CCDC141: variants seen among roughly 807,000 people sequenced by gnomAD.
CCDC141 encodes the protein coiled-coil domain containing 141.
Under a neutral mutation model 181.0 loss-of-function variants are expected in CCDC141, and 168 were observed. The ratio of observed to expected loss-of-function variants is 0.93; its 90% CI spans 0.82 to 1.05. CCDC141 has a LOEUF of 1.05. CCDC141 is among the 50% of genes least tolerant of loss of function. CCDC141 has a pLI of 0.00. For synonymous variants in CCDC141, 666 were observed against 642.3 expected, an observed-to-expected ratio of 1.04 and a Z score of -0.56; for missense variants, 1,902 against 1,788.5, an observed-to-expected ratio of 1.06 and a Z score of -1.14.
At chr2:178,820,989 AATACTCACTGGAC>A in the CCDC141 span, among the ~76,000 whole-genome samples, 1 of 152,158 alleles carries the variant, frequency 6.6e-6, no homozygotes, top group Admixed American at 6.6e-5. Flanking sequence ...GCATTTTTAT[AATACTCACTGGAC>A]ACAAAACAAA....
chr2:178,991,964 C>G (rs1189775634), intron 2 of CCDC141, among the ~76,000 whole-genome samples: 1 of 151,914 alleles, frequency 6.6e-6, no homozygotes, highest in African/African-American at 2.4e-5. Flanking sequence ...AAAATTGTCC[C>G]AAGAAAATCT....
In CCDC141 at chr2:178,837,611, C is replaced by T; in HGVS notation, c.3608G>A (p.Gly1203Glu). 1 of 1,613,988 alleles carries T rather than the reference C, an allele frequency of 6.2e-7. No homozygotes were observed. Among genetic ancestry groups the T allele is most frequent in the Non-Finnish European group, 8.5e-7 (1 of 1,179,964 alleles). ...AGGTGAGACACACTCATATTCTTCC[C>T]CTGAGAGCATGTCTTCAGGCAGGAG... ...DLLLPEDMLS[G>E]EEYECVSPDD... Residue 1203 changes from glycine (G) to glutamate (E), a missense_variant, in exon 23 of 24, where the codon GGG becomes GAG. Physicochemically the swap from Gly to Glu is moderately conservative, Grantham distance 98. Transcript: ENST00000443758.
In CCDC141 at chr2:178,896,911, G is replaced by A. The variant is rs1033391136; in HGVS notation, c.1266-8243C>T. 3.3e-5 allele frequency among the ~76,000 whole-genome samples: 5 copies of A among 152,160 alleles called. No individual in the cohort carries two copies. The South Asian group carries it at 1.0e-3, about 32-fold the overall frequency. On this transcript the variant is annotated intron_variant, in intron 8 of 23. Transcript: ENST00000443758. ...GCCATTATTGCCAATGAGTCTTTGA[G>A]CATAGTGTACCTCCCCCCTCACTTT... is the stretch of plus-strand genomic sequence containing the variant.
At chr2:179,043,420 G>A (rs968939093) in intron 2 of CCDC141, among the ~76,000 whole-genome samples, 1 of 152,188 alleles carries the variant, frequency 6.6e-6, no homozygotes, top group African/African-American at 2.4e-5. Flanking sequence ...TCCAGGCCTT[G>A]ATGAACATTG....
chr2:178,932,935 T>C (rs1038632364), intron 6 of CCDC141, among the ~76,000 whole-genome samples: 10 of 152,164 alleles, frequency 6.6e-5, no homozygotes, highest in Admixed American at 6.5e-4. Context: ...AACTTTAAAC[T>C]GAGCTCTTTC....
At chr2:178,933,733 T>C (rs1015426617) in intron 6 of CCDC141, among the ~76,000 whole-genome samples, 1 of 152,188 alleles carries the variant, frequency 6.6e-6, no homozygotes, top group Non-Finnish European at 1.5e-5. Flanking sequence ...TGGATGATAT[T>C]TCATTGCCCA....
intron 6 of CCDC141, among the ~76,000 whole-genome samples, chr2:178,940,688 T>C (rs1689473521): frequency 6.6e-6 from 1 of 152,214 alleles, no homozygotes; most frequent in Non-Finnish European, 1.5e-5. Context: ...AGGATGCTTC[T>C]TCTTCACAAC....
intron 2 of CCDC141, among the ~76,000 whole-genome samples, chr2:179,041,491 G>GTTTTTTTTTTTTTT (rs35229059): frequency 1.7e-5 from 1 of 58,866 alleles, no homozygotes; most frequent in Non-Finnish European, 2.9e-5. Flanking sequence ...TTGGTTGTGG[G>GTTTTTTTTTTTTTT]TTTTTTTTTT....
chr2:178,974,328 T>C (rs1217943995), intron 4 of CCDC141, among the ~76,000 whole-genome samples: 1 of 152,178 alleles, frequency 6.6e-6, no homozygotes, highest in Non-Finnish European at 1.5e-5. Context: ...GCAGTAAAAT[T>C]AGAAGACATA....
At chr2:178,843,494 A>G (rs1350047523) in intron 22 of CCDC141, among the ~76,000 whole-genome samples, 1 of 152,216 alleles carries the variant, frequency 6.6e-6, no homozygotes, top group Admixed American at 6.5e-5. Flanking sequence ...ATAAAACACC[A>G]TCACTAATCT....
intron 2 of CCDC141, among the ~76,000 whole-genome samples, chr2:179,043,643 T>C (rs551304943): frequency 6.6e-6 from 1 of 152,184 alleles, no homozygotes; most frequent in East Asian, 1.9e-4. Context: ...TGTTAAAAAC[T>C]CGGAATAAAC....
intron 14 of CCDC141, among the ~76,000 whole-genome samples, chr2:178,870,333 T>C (rs1407056884): frequency 1.4e-5 from 2 of 147,710 alleles, no homozygotes; most frequent in African/African-American, 2.5e-5. Context: ...GTAATGGAAA[T>C]GATTTAGACT....
chr2:178,881,131 A>C (rs1287609024), intron 11 of CCDC141, among the ~76,000 whole-genome samples: 1 of 152,192 alleles, frequency 6.6e-6, no homozygotes, highest in Non-Finnish European at 1.5e-5. Flanking sequence ...CAAAAAAGGA[A>C]AGTGAATTAG....
chr2:178,836,754 T>G, intron 23 of CCDC141, 140 bp downstream of exon 23: 30 of 873,930 alleles, frequency 3.4e-5, no homozygotes, highest in Non-Finnish European at 5.1e-5. Flanking sequence ...GGGTCTGATG[T>G]GAGATTGAAT....
At chr2:178,985,711 A>G (rs1345616722) in intron 2 of CCDC141, among the ~76,000 whole-genome samples, 3 of 152,212 alleles carry the variant, frequency 2.0e-5, no homozygotes, top group African/African-American at 7.2e-5. Flanking sequence ...AAACTAGAAA[A>G]TCTAGAAGAA....
intron 2 of CCDC141, among the ~76,000 whole-genome samples, chr2:179,037,011 C>A (rs746417765): frequency 1.3e-4 from 20 of 152,242 alleles, no homozygotes; most frequent in Non-Finnish European, 2.1e-4. Context: ...TGTAACCTAT[C>A]CCATAGAACC....
rs191659597 is a variant in CCDC141, at chr2:178,952,706, A to T, written c.781-8055T>A. 6.6e-5 allele frequency among the ~76,000 whole-genome samples: 10 copies of T among 150,906 alleles called. No individual in the cohort carries two copies. The East Asian group carries it at 1.9e-3, about 29-fold the overall frequency. On this transcript the variant is annotated intron_variant, in intron 5 of 23. Transcript: ENST00000443758. ...CTAGAGAGAATTCTAGAGATAGCCTATATACCAAAATGAAATTCTGTGATA... is the reference window on the plus strand; with the variant it reads ...CTAGAGAGAATTCTAGAGATAGCCTTTATACCAAAATGAAATTCTGTGATA...
In CCDC141 at chr2:178,837,503, C is replaced by G. The variant is rs777782414; in HGVS notation, c.3716G>C (p.Ser1239Thr). The change falls in exon 23 of 24, where the codon AGC becomes ACC. Residue 1239 changes from serine (S) to threonine (T), a missense_variant. Ser to Thr is a moderately conservative substitution (Grantham distance 58). Coordinates refer to ENST00000443758, the MANE Select transcript of CCDC141 (RefSeq NM_173648.4). The part of the protein sequence containing the change: ...PSDMEVEEPV[S>T]SSLSLHISSY... The stretch of plus-strand genomic sequence containing the variant: ...GCTTATGTGAAGGCTGAGGGAGGAG[C>G]TGACAGGCTCTTCCACCTCCATGTC... 31 of 1,613,942 alleles carry G rather than the reference C, an allele frequency of 1.9e-5. No homozygotes were observed. The highest frequency in any genetic ancestry group is 3.3e-5 in the South Asian group (3 of 91,082).
chr2:179,045,179 C>G (rs553706436), intron 2 of CCDC141, among the ~76,000 whole-genome samples: 29 of 141,340 alleles, frequency 2.1e-4, no homozygotes, highest in African/African-American at 6.6e-4. Flanking sequence ...GACCCCACAA[C>G]AGTCCCCAGA....
Sources: allele counts gnomAD v4.1 joint callset (sites outside exome capture counted in the v4.1 genomes callset), GRCh38; gene constraint gnomAD v4.1.1; transcripts MANE v1.5; gene names NCBI Gene and HGNC (gene_info 2026-07-23, HGNC 2026-07-21).